Variants in SLC44A1 observed in about 807,000 individuals in gnomAD.
The protein encoded by SLC44A1 is solute carrier family 44 member 1.
Under a neutral mutation model 79.3 loss-of-function variants are expected in SLC44A1, and 26 were observed. The observed-to-expected ratio is 0.33, with a 90% CI of 0.24 to 0.46. The LOEUF is 0.46. Among genes scored for constraint, SLC44A1 ranks in the 20% least tolerant of loss-of-function variants. The pLI, the probability that SLC44A1 is intolerant of heterozygous loss-of-function variation, is 1.00. For missense variants in SLC44A1, 688 were observed against 798.1 expected (o/e 0.86, Z 1.66); for synonymous variants, 263 against 286.2 (o/e 0.92, Z 0.82).
At chr9:105,251,920 G>A (rs1449455029) in intron 1 of SLC44A1, among the ~76,000 whole-genome samples, 2 of 152,178 alleles carry the variant, frequency 1.3e-5, no homozygotes, top group South Asian at 2.1e-4. Context: ...TAATATTAAT[G>A]TCTAGACTAG....
rs193176640 is a variant in SLC44A1, at chr9:105,392,912, G to A, written c.*3856G>A. ...CCTCCAGAAAGGTCTTTAAGCTTTC[G>A]CTTTTCAATAAGTAAGTTCTTTACT... is the stretch of plus-strand genomic sequence containing the variant. On this transcript the variant is annotated 3_prime_UTR_variant, in exon 16 of 16. Transcript: ENST00000374720. 1.0e-3 allele frequency: 1,016 copies of A among 985,002 alleles called. 2 individuals carry two copies. The highest frequency in any genetic ancestry group is 1.4e-3 in the East Asian group (12 of 8,808). 61.0% of individuals were successfully genotyped at this position (985,002 alleles called of 1,614,324 possible).
chr9:105,263,537 ATT>A (rs1167076279), intron 1 of SLC44A1, among the ~76,000 whole-genome samples: 12 of 135,922 alleles, frequency 8.8e-5, no homozygotes, highest in Admixed American at 2.2e-4. Flanking sequence ...ACATGTGTGT[ATT>A]TTTTTTTTTT....
chr9:105,351,602 GAAAGAA>G (rs1827429977), intron 5 of SLC44A1, among the ~76,000 whole-genome samples: 1 of 47,668 alleles, frequency 2.1e-5, no homozygotes, highest in African/African-American at 8.0e-5. Context: ...GAAAGAGAAA[GAAAGAA>G]AGAAAGAAAG....
Position 105,244,872 on chromosome 9 carries a change from G to A in SLC44A1, c.4G>A (p.Gly2Ser). Residue 2 changes from glycine (G) to serine (S), a missense_variant, in exon 1 of 16, where the codon GGC (glycine) becomes AGC (serine). By Grantham distance (56) the Gly-to-Ser change is moderately conservative. Transcript: ENST00000374720. ...TCCGGGCTCCTTCGGCCCCGCCATG[G>A]GCTGCTGCAGCTCCGCCTCCTCCGC... Reference protein sequence around the residue: MGCCSSASSAAQ... With the variant: MSCCSSASSAAQ... 2 of 1,161,116 alleles carry A rather than the reference G, an allele frequency of 1.7e-6. No individual in the cohort carries two copies. The highest frequency in any genetic ancestry group is 2.1e-6 in the Non-Finnish European group (2 of 944,058). 71.9% of individuals were successfully genotyped at this position (1,161,116 alleles called of 1,614,324 possible).
chr9:105,254,341 G>T (rs1829655611), intron 1 of SLC44A1, among the ~76,000 whole-genome samples: 1 of 152,126 alleles, frequency 6.6e-6, no homozygotes, highest in Admixed American at 6.5e-5. Context: ...AGAGAGGGCT[G>T]CACACTTATC....
chr9:105,279,478 C>A (rs1359516239), intron 1 of SLC44A1, among the ~76,000 whole-genome samples: 1 of 151,882 alleles, frequency 6.6e-6, no homozygotes, highest in African/African-American at 2.4e-5. Context: ...CCACCATGCC[C>A]AGCTCATTTT....
chr9:105,310,411 CTG>C (rs946710036), intron 3 of SLC44A1, among the ~76,000 whole-genome samples: 3 of 152,042 alleles, frequency 2.0e-5, no homozygotes, highest in Non-Finnish European at 4.4e-5. Flanking sequence ...ACTTAATTGA[CTG>C]TTTTCTTCAA....
intron 12 of SLC44A1, among the ~76,000 whole-genome samples, chr9:105,370,820 G>T (rs905320530): frequency 6.6e-6 from 1 of 152,204 alleles, no homozygotes; most frequent in East Asian, 1.9e-4. Flanking sequence ...TGTTCCCATT[G>T]AGGGCGGGAG....
Position 105,391,782 on chromosome 9 carries a change from T to C in SLC44A1, c.*2726T>C. 3.0e-6 allele frequency: 3 copies of C among 985,410 alleles called. No homozygotes were observed. The highest frequency in any genetic ancestry group is 3.6e-6 in the Non-Finnish European group (3 of 829,898). The allele number at this position is 985,410 out of a possible 1,614,324, so 61.0% of individuals were successfully genotyped here. A position where few individuals can be genotyped will look rare whatever the true frequency, so the allele number is the denominator to read the frequency against. On this transcript the variant is annotated 3_prime_UTR_variant, in exon 16 of 16. Transcript: ENST00000374720. ...AATAGATGAAGAACAGAAATTTCTC[T>C]GTGAAATGTGGATACCCGAATAATT...
At chr9:105,265,865 G>C (rs929393798) in intron 1 of SLC44A1, among the ~76,000 whole-genome samples, 2 of 152,188 alleles carry the variant, frequency 1.3e-5, no homozygotes, top group African/African-American at 2.4e-5. Context: ...CTAGTGACCA[G>C]AGATGTTGAA....
At chr9:105,309,525 T>C (rs1167681843) in intron 2 of SLC44A1, among the ~76,000 whole-genome samples, 199 bp from the exon 3 acceptor site, 2 of 152,190 alleles carry the variant, frequency 1.3e-5, no homozygotes, top group East Asian at 3.8e-4. Context: ...TTTGTTATGG[T>C]AGTAAATAGT....
At chr9:105,434,709 G>GCTAGAT (rs1248423713) in intron 15 of SLC44A1, among the ~76,000 whole-genome samples, 4 of 152,212 alleles carry the variant, frequency 2.6e-5, no homozygotes, top group African/African-American at 9.6e-5. Flanking sequence ...CATTGGATGA[G>GCTAGAT]CTAGATTATG....
chr9:105,425,699 T>G (rs969185768), intron 15 of SLC44A1, among the ~76,000 whole-genome samples: 4 of 152,182 alleles, frequency 2.6e-5, no homozygotes, highest in Non-Finnish European at 5.9e-5. Flanking sequence ...GGCGGGTGCC[T>G]GTAATCCCAG....
chr9:105,260,884 G>A (rs892715285), intron 1 of SLC44A1, among the ~76,000 whole-genome samples: 1 of 152,128 alleles, frequency 6.6e-6, no homozygotes, highest in African/African-American at 2.4e-5. Flanking sequence ...TTTGGTTGGA[G>A]AAAGAATTGA....
At position 105,361,350 on chromosome 9, in the gene SLC44A1, T is replaced by C. The variant is rs1827775416; in HGVS notation, c.900+20T>C. ...TTCACAGTGAGTTTAGGCTTTGGCG[T>C]GTCTTTCGGTTTTGTGTTTTTGTTT... On this transcript the variant is annotated intron_variant, in intron 8 of 15. Coordinates refer to ENST00000374720, the MANE Select transcript of SLC44A1 (RefSeq NM_080546.5). The C allele has an allele frequency of 2.6e-6, 4 of 1,558,908 alleles. No homozygotes were observed. In the East Asian group the frequency reaches 6.8e-5, roughly 26 times the overall value.
At chr9:105,360,039 C>T (rs1827734140) in intron 7 of SLC44A1, among the ~76,000 whole-genome samples, 1 of 152,226 alleles carries the variant, frequency 6.6e-6, no homozygotes, top group South Asian at 2.1e-4. Flanking sequence ...CTGTGACCTA[C>T]AAGGCCTTAC....
chr9:105,378,520 A>G (rs2131453956), intron 13 of SLC44A1, among the ~76,000 whole-genome samples: 1 of 152,290 alleles, frequency 6.6e-6, no homozygotes, highest in Middle Eastern at 3.4e-3. Flanking sequence ...AATTAGAATT[A>G]ATTAGGGTTC....
At chr9:105,250,325 A>G (rs1462235241) in intron 1 of SLC44A1, among the ~76,000 whole-genome samples, 1 of 152,214 alleles carries the variant, frequency 6.6e-6, no homozygotes, top group African/African-American at 2.4e-5. Context: ...TCCACTTAGA[A>G]TGCTTCCAGG....
At chr9:105,375,909 T>A (rs1398814059) in intron 13 of SLC44A1, among the ~76,000 whole-genome samples, 2 of 152,166 alleles carry the variant, frequency 1.3e-5, no homozygotes, top group African/African-American at 2.4e-5. Flanking sequence ...CATTTTTTTT[T>A]ATCGGCTTGT....
Sources: allele counts gnomAD v4.1 joint callset (sites outside exome capture counted in the v4.1 genomes callset), GRCh38; gene constraint gnomAD v4.1.1; transcripts MANE v1.5; gene names NCBI Gene and HGNC (gene_info 2026-07-23, HGNC 2026-07-21).